MXRA5: variants seen among roughly 807,000 people sequenced by gnomAD.
MXRA5 encodes the protein matrix remodeling associated 5, also known as matrix-remodeling-associated protein 5.
In MXRA5, 41 loss-of-function variants were observed where a neutral mutation model predicts 112.5. The observed-to-expected ratio is 0.36, with a 90% CI of 0.28 to 0.47. The LOEUF is 0.47. Among genes scored for constraint, MXRA5 ranks in the 20% least tolerant of loss-of-function variants. The probability of loss-of-function intolerance (pLI) is 0.99; values close to 1 mark genes in which losing one functional copy is unlikely to be tolerated. For synonymous variants in MXRA5, 862 were observed against 900.8 expected (o/e 0.96, Z 0.77); for missense variants, 2,150 against 2,251.0 (o/e 0.96, Z 0.91).
Position 3,343,708 on chromosome X carries a change from C to A in MXRA5, c.126G>T (p.Thr42=). 8.3e-7 allele frequency: 1 copy of A among 1,211,883 alleles called. No individual in the cohort carries two copies. Among genetic ancestry groups the A allele is most frequent in the Non-Finnish European group, 1.1e-6 (1 of 895,525 alleles). Reference sequence around the variant, plus strand: ...CGGGCACGGAAGCCAGGGATCGGAACGTGCAGTGGACCTCGCTGGGGACGT... The same window carrying A: ...CGGGCACGGAAGCCAGGGATCGGAAAGTGCAGTGGACCTCGCTGGGGACGT... ...ACYVPSEVHC[T]FRSLASVPAG... The change falls in exon 2 of 7, where the codon ACG becomes ACT. Residue 42 remains threonine (T), a synonymous_variant. Transcript: ENST00000217939.
chrX:3,314,880 G>GTAGATAGA (rs1569181122), intron 6 of MXRA5, among the ~76,000 whole-genome samples: 1 of 92,255 alleles, frequency 1.1e-5, no homozygotes, highest in Non-Finnish European at 2.2e-5. Flanking sequence ...AGGTAGGTAG[G>GTAGATAGA]CAGATAGATA....
chrX:3,341,161 T>C (rs866994213), intron 2 of MXRA5, among the ~76,000 whole-genome samples: 1 of 56,834 alleles, frequency 1.8e-5, no homozygotes, highest in Non-Finnish European at 3.0e-5. Context: ...TTATATATTA[T>C]ATATTATATA....
chrX:3,325,015 A>G (rs1488454995), intron 4 of MXRA5, 40 bp from the exon 5 acceptor site: 2 of 1,126,243 alleles, frequency 1.8e-6, no homozygotes, highest in African/African-American at 3.6e-5. Flanking sequence ...GTAAGGAGCC[A>G]AAGAATGGCA....
intron 2 of MXRA5, among the ~76,000 whole-genome samples, chrX:3,340,527 T>C (rs2146932618): frequency 9.0e-6 from 1 of 111,706 alleles, no homozygotes; most frequent in East Asian, 2.8e-4. Context: ...GTTTTAAACT[T>C]TTTCTTTTCT....
intron 6 of MXRA5, among the ~76,000 whole-genome samples, chrX:3,316,809 T>A (rs935844136): frequency 8.3e-5 from 9 of 108,563 alleles, no homozygotes; most frequent in African/African-American, 3.0e-4. Flanking sequence ...CCAGAGTAGC[T>A]GGGACTACAG....
intron 2 of MXRA5, among the ~76,000 whole-genome samples, chrX:3,336,978 C>T (rs751729314): frequency 9.0e-6 from 1 of 111,547 alleles, no homozygotes; most frequent in Non-Finnish European, 1.9e-5. Flanking sequence ...GGCAAGGGCT[C>T]AGCTCTCTTA....
At position 3,330,072 on chromosome X, in the gene MXRA5, A is replaced by G. The variant is rs112257903; in HGVS notation, c.655T>C (p.Trp219Arg). ...CATCTCATCTCACAATCGCAGGTCC[A>G]CGGATTTCCCTGCAAGTAAAGATTC... ...LENLYLQGNP[W>R]TCDCEMRWFL... The change falls in exon 4 of 7, where the codon TGG becomes CGG. Residue 219 changes from tryptophan (W) to arginine (R), a missense_variant. Physicochemically the swap from Trp to Arg is moderately radical, Grantham distance 101. Coordinates refer to ENST00000217939, the MANE Select transcript of MXRA5 (RefSeq NM_015419.4). 2 of 1,211,284 alleles carry G rather than the reference A, an allele frequency of 1.7e-6. No individual in the cohort carries two copies.
chrX:3,316,640 G>T (rs1175173281), intron 6 of MXRA5, among the ~76,000 whole-genome samples: 1 of 107,252 alleles, frequency 9.3e-6, no homozygotes. Context: ...CTGCACTCCA[G>T]CCTGGGCAAC....
Position 3,322,807 on chromosome X carries a change from AC to A in MXRA5, c.2877del (p.Glu959AspfsTer35). The A allele has an allele frequency of 8.3e-7, 1 of 1,211,461 alleles. No homozygotes were observed. Among genetic ancestry groups the A allele is most frequent in the Non-Finnish European group, 1.1e-6 (1 of 895,460 alleles). ...GAGACAGCATCCAATGGAGGCTCAT[AC>A]TCACTGGATGTGGGCTCTGGTGACG... ...VGSSPEPTSSEYEPPLDAVSL... is the reference protein window; with the variant it reads ...VGSSPEPTSSXYEPPLDAVSL... On this transcript the variant is annotated frameshift_variant, in exon 5 of 7. Coordinates refer to ENST00000217939, the MANE Select transcript of MXRA5 (RefSeq NM_015419.4). LOFTEE classifies it high-confidence loss of function.
At position 3,324,835 on chromosome X, in the gene MXRA5, G is replaced by C. The variant is rs1921417216; in HGVS notation, c.850C>G (p.Leu284Val). The change falls in exon 5 of 7, where the codon CTG becomes GTG. Residue 284 changes from leucine (L) to valine (V), a missense_variant. Physicochemically the swap from Leu to Val is conservative, Grantham distance 32. Coordinates refer to ENST00000217939, the MANE Select transcript of MXRA5 (RefSeq NM_015419.4). ...ATACTCCTGCTCCTGTTCTGTCTCA[G>C]AGGGGACTCTATTGAAGGCTTCAGA... ...TCLKPSIESP[L>V]RQNRSRSIEE... is the part of the protein sequence containing the mutation. 1 of 1,209,862 alleles carries C rather than the reference G, an allele frequency of 8.3e-7. No individual in the cohort carries two copies. Among genetic ancestry groups the C allele is most frequent in the East Asian group, 3.0e-5 (1 of 33,784 alleles).
chrX:3,346,539 C>A lies in MXRA5; in HGVS notation c.-53G>T. 1.3e-6 allele frequency: 1 copy of A among 754,741 alleles called. No homozygotes were observed. The highest frequency in any genetic ancestry group is 1.6e-6 in the Non-Finnish European group (1 of 639,392). The allele number at this position is 754,741 out of a possible 1,213,427, so 62.2% of individuals were successfully genotyped here. A position where few individuals can be genotyped will look rare whatever the true frequency, so the allele number is the denominator to read the frequency against. Reference sequence around the variant, plus strand: ...CCTGTCCTTGGGAAGCCGCCGCACACGGGAGCGGTGCGCCGGGAGCATCCA... The same window carrying A: ...CCTGTCCTTGGGAAGCCGCCGCACAAGGGAGCGGTGCGCCGGGAGCATCCA... On this transcript the variant is annotated 5_prime_UTR_variant, in exon 1 of 7. Transcript: ENST00000217939.
intron 6 of MXRA5, among the ~76,000 whole-genome samples, chrX:3,314,234 C>A (rs1239889598): frequency 2.7e-5 from 3 of 111,993 alleles, no homozygotes; most frequent in African/African-American, 9.7e-5. Flanking sequence ...TTGTATCTAG[C>A]TCAGGGTTTC....
At chrX:3,319,937 T>C in intron 5 of MXRA5, 71 bp downstream of exon 5, 1 of 799,761 alleles carries the variant, frequency 1.3e-6, no homozygotes, top group Non-Finnish European at 1.8e-6. Context: ...ACTGTTTTAA[T>C]GTATTATATT....
In MXRA5 at chrX:3,320,616, C is replaced by T. The variant is rs776314231; in HGVS notation, c.5069G>A (p.Arg1690Gln). 11 of 1,209,937 alleles carry T rather than the reference C, an allele frequency of 9.1e-6. No homozygotes were observed. The South Asian group carries it at 1.2e-4, about 14-fold the overall frequency. The part of the protein sequence containing the change: ...KPSIPSKFTD[R>Q]RTDQFNGYSK... ...GTAGCCATTGAATTGGTCAGTTCTT[C>T]GGTCAGTAAACTTACTAGGAATGCT... Residue 1690 changes from arginine (R) to glutamine (Q), a missense_variant, in exon 5 of 7, where the codon CGA becomes CAA. By Grantham distance (43) the Arg-to-Gln change is conservative (BLOSUM62 1). This residue lies in a region of MXRA5 where 1,485 missense variants were observed against 1,471.6 expected (regional missense o/e 1.01). Transcript: ENST00000217939.
rs976008311 is a variant in MXRA5, at chrX:3,345,868, T to A, written c.-29+647A>T. 3.6e-5 allele frequency among the ~76,000 whole-genome samples: 4 copies of A among 112,637 alleles called. No individual in the cohort carries two copies. In the East Asian group the frequency reaches 1.1e-3, roughly 32 times the overall value. ...TCCCGGAACGCGGCTGGGGTGGCCCTGCGAGTCCCCGCCGCCCGGGACTCG... is the reference window on the plus strand; with the variant it reads ...TCCCGGAACGCGGCTGGGGTGGCCCAGCGAGTCCCCGCCGCCCGGGACTCG... On this transcript the variant is annotated intron_variant, in intron 1 of 6. Transcript: ENST00000217939.
In MXRA5 at chrX:3,323,031, T is replaced by C; in HGVS notation, c.2654A>G (p.Glu885Gly). The C allele has an allele frequency of 8.3e-7, 1 of 1,211,664 alleles. No individual in the cohort carries two copies. The highest frequency in any genetic ancestry group is 1.1e-6 in the Non-Finnish European group (1 of 895,450). ...VEPEVTSTPL[E>G]EVVDDLSEKT... ...CTCGGAAAGGTCATCAACAACTTCC[T>C]CCAGAGGTGTGCTTGTTACTTCAGG... The change falls in exon 5 of 7, where the codon GAG becomes GGG. Residue 885 changes from glutamate to glycine, a missense_variant. By Grantham distance (98) the Glu-to-Gly change is moderately conservative. This residue lies in a region of MXRA5 where 1,485 missense variants were observed against 1,471.6 expected (regional missense o/e 1.01). Transcript: ENST00000217939.
intron 5 of MXRA5, among the ~76,000 whole-genome samples, chrX:3,318,871 A>AT (rs1030335145): frequency 1.3e-4 from 14 of 111,936 alleles, no homozygotes; most frequent in African/African-American, 3.6e-4. Flanking sequence ...TTCTTTAAAA[A>AT]AAAAACAAAC....
At chrX:3,336,939 G>A (rs1423245080) in intron 2 of MXRA5, among the ~76,000 whole-genome samples, 1 of 112,158 alleles carries the variant, frequency 8.9e-6, no homozygotes, top group Non-Finnish European at 1.9e-5. Context: ...GTGTCTGCAA[G>A]TTACTATTCT....
rs1335849837 is a variant in MXRA5, at chrX:3,310,329, G to A, written c.7874C>T (p.Thr2625Met). ...CACCTTCAGGGAGACCAGCCTCTCC[G>A]TGTGGCCAGCGGCATTGCGGGCCAC... is the stretch of plus-strand genomic sequence containing the variant. ...RCVARNAAGH[T>M]ERLVSLKVGL... Residue 2625 changes from threonine to methionine, a missense_variant, in exon 7 of 7, where the codon ACG (threonine) becomes ATG (methionine). By Grantham distance (81) the Thr-to-Met change is moderately conservative (BLOSUM62 -1). Transcript: ENST00000217939. The A allele has an allele frequency of 8.3e-6, 10 of 1,200,508 alleles. No individual in the cohort carries two copies. Among genetic ancestry groups the A allele is most frequent in the South Asian group, 5.3e-5 (3 of 56,454 alleles).
Sources: gnomAD v4.1 joint callset for allele counts (sites outside exome capture counted in the v4.1 genomes callset) on GRCh38, gnomAD v4.1.1 for gene constraint, gnomAD v4.1.1 regional missense constraint, MANE v1.5 for transcripts, NCBI Gene and HGNC (gene_info 2026-07-23, HGNC 2026-07-21) for gene names.